Variants in CCDC60 observed in about 807,000 individuals in gnomAD.
CCDC60 encodes the protein coiled-coil domain containing 60.
In CCDC60, 54 loss-of-function variants were observed where a neutral mutation model predicts 63.5. The observed-to-expected ratio is 0.85, with a 90% CI of 0.68 to 1.07. CCDC60 has a LOEUF of 1.07. Among genes scored for constraint, CCDC60 ranks in the 50% least tolerant of loss-of-function variants. The pLI is 0.00. For synonymous variants in CCDC60, 206 were observed against 238.8 expected, an observed-to-expected ratio of 0.86 and a Z score of 1.27; for missense variants, 651 against 684.3, an observed-to-expected ratio of 0.95 and a Z score of 0.54.
At chr12:119,417,838 C>T (rs1231769585) in intron 1 of CCDC60, among the ~76,000 whole-genome samples, 1 of 152,204 alleles carries the variant, frequency 6.6e-6, no homozygotes, top group Non-Finnish European at 1.5e-5. Context: ...CATCCAAGCT[C>T]CCACCCTGAA....
At chr12:119,387,739 C>A (rs1055600477) in intron 1 of CCDC60, among the ~76,000 whole-genome samples, 10 of 152,172 alleles carry the variant, frequency 6.6e-5, no homozygotes, top group Non-Finnish European at 1.5e-4. Context: ...GGGATCAGCA[C>A]ATAAAAATTT....
chr12:119,356,189 T>C (rs1955716319), intron 1 of CCDC60, among the ~76,000 whole-genome samples: 1 of 152,236 alleles, frequency 6.6e-6, no homozygotes, highest in Admixed American at 6.5e-5. Flanking sequence ...TAACTTTAGA[T>C]TTTCTGGATA....
chr12:119,531,318 A>G (rs145117657), intron 13 of CCDC60, among the ~76,000 whole-genome samples: 71 of 152,342 alleles, frequency 4.7e-4, no homozygotes, highest in African/African-American at 1.7e-3. Flanking sequence ...AGTAATAAGG[A>G]GTCCTTTATC....
intron 5 of CCDC60, among the ~76,000 whole-genome samples, chr12:119,492,550 C>T (rs1011422712): frequency 1.3e-5 from 2 of 152,180 alleles, no homozygotes; most frequent in African/African-American, 2.4e-5. Context: ...CTATTTATGA[C>T]GTTTCACCCT....
chr12:119,400,251 G>A (rs576473106), intron 1 of CCDC60, among the ~76,000 whole-genome samples: 3 of 152,176 alleles, frequency 2.0e-5, no homozygotes, highest in Non-Finnish European at 2.9e-5. Flanking sequence ...GGGTTTCACC[G>A]TATTAGCCAG....
At chr12:119,429,234 G>A (rs1043377264) in intron 2 of CCDC60, among the ~76,000 whole-genome samples, 2 of 152,120 alleles carry the variant, frequency 1.3e-5, no homozygotes, top group African/African-American at 4.8e-5. Context: ...GGGAAATAAA[G>A]CAGATAAAGT....
At chr12:119,342,930 C>T (rs1417360344) in intron 1 of CCDC60, among the ~76,000 whole-genome samples, 1 of 152,204 alleles carries the variant, frequency 6.6e-6, no homozygotes, top group Non-Finnish European at 1.5e-5. Context: ...TGGAAAGAAA[C>T]TTATTCTTGA....
chr12:119,348,895 A>G (rs904156551), intron 1 of CCDC60, among the ~76,000 whole-genome samples: 3 of 152,202 alleles, frequency 2.0e-5, no homozygotes, highest in Non-Finnish European at 4.4e-5. Context: ...GAATAAGTAA[A>G]TGGTACATTA....
At chr12:119,512,606 G>A (rs1223082527) in intron 7 of CCDC60, among the ~76,000 whole-genome samples, 2 of 152,216 alleles carry the variant, frequency 1.3e-5, no homozygotes, top group African/African-American at 4.8e-5. Context: ...AGAGGAGGGA[G>A]GAAAATGTGA....
chr12:119,474,150 T>G (rs1566028950), intron 3 of CCDC60, among the ~76,000 whole-genome samples: 1 of 152,220 alleles, frequency 6.6e-6, no homozygotes, highest in Non-Finnish European at 1.5e-5. Flanking sequence ...AATACCACCT[T>G]ACTCCTGCAA....
chr12:119,516,786 G>A, intron 8 of CCDC60, 79 bp downstream of exon 8: 1 of 934,164 alleles, frequency 1.1e-6, no homozygotes, highest in Non-Finnish European at 1.7e-6. Flanking sequence ...GCCAACTGTT[G>A]AGCATTTTCT....
At chr12:119,370,412 G>A (rs1955885648) in intron 1 of CCDC60, among the ~76,000 whole-genome samples, 1 of 152,188 alleles carries the variant, frequency 6.6e-6, no homozygotes, top group Non-Finnish European at 1.5e-5. Context: ...ATCATGTCGA[G>A]TTGAGAAAAG....
At chr12:119,356,712 A>C (rs1365031436) in intron 1 of CCDC60, among the ~76,000 whole-genome samples, 1 of 152,230 alleles carries the variant, frequency 6.6e-6, no homozygotes, top group Non-Finnish European at 1.5e-5. Flanking sequence ...GCAAATGAGA[A>C]ATATATCAGA....
At chr12:119,508,990 G>A (rs1430308834) in intron 7 of CCDC60, among the ~76,000 whole-genome samples, 1 of 152,086 alleles carries the variant, frequency 6.6e-6, no homozygotes, top group African/African-American at 2.4e-5. Flanking sequence ...AGCAGAGGAA[G>A]GAGACTTTGC....
chr12:119,350,943 G>T (rs188251229), intron 1 of CCDC60, among the ~76,000 whole-genome samples: 1 of 152,150 alleles, frequency 6.6e-6, no homozygotes, highest in East Asian at 1.9e-4. Flanking sequence ...ACTTCCTGAC[G>T]CAGCAGCTAT....
At chr12:119,526,795 C>T (rs1433994037) in intron 11 of CCDC60, among the ~76,000 whole-genome samples, 1 of 152,104 alleles carries the variant, frequency 6.6e-6, no homozygotes, top group Non-Finnish European at 1.5e-5. Flanking sequence ...AAAAAGGAAT[C>T]CTTATACACT....
In CCDC60 at chr12:119,427,660, C is replaced by T. The variant is rs76775497; in HGVS notation, c.91-1023C>T. On this transcript the variant is annotated intron_variant, in intron 1 of 13. Transcript: ENST00000327554. ...ATTGAGAATTGCCCTTCTGAAATGC[C>T]AGCACAAAGTATTTACCAGATTTAT... Among the ~76,000 whole-genome samples the T allele has an allele frequency of 9.0e-3, 1,372 of 152,040 alleles. 23 individuals are homozygous for T. The highest frequency in any genetic ancestry group is 0.031 in the African/African-American group (1,285 of 41,438).
intron 7 of CCDC60, among the ~76,000 whole-genome samples, chr12:119,515,254 A>G (rs1453986423): frequency 6.6e-6 from 1 of 152,234 alleles, no homozygotes; most frequent in African/African-American, 2.4e-5. Context: ...CTTAGCAGAG[A>G]GGGTCACACA....
chr12:119,455,816 AAAG>A (rs1226131625), intron 2 of CCDC60, among the ~76,000 whole-genome samples: 118 of 149,858 alleles, frequency 7.9e-4, no homozygotes, highest in African/African-American at 2.9e-3. Context: ...AAGAAGAAGA[AAAG>A]GAGGAGGAAG....
Sources: gnomAD v4.1 joint callset for allele counts (sites outside exome capture counted in the v4.1 genomes callset) on GRCh38, gnomAD v4.1.1 for gene constraint, MANE v1.5 for transcripts, NCBI Gene and HGNC (gene_info 2026-07-23, HGNC 2026-07-21) for gene names.